The following CNTN4 variants were observed in gnomAD, a reference collection of about 807,000 sequenced individuals.
The protein encoded by CNTN4 is contactin-4.
A neutral mutation model predicts 122.5 loss-of-function variants in CNTN4; 77 were observed. The observed-to-expected ratio is 0.63, with a 90% CI of 0.52 to 0.76. The LOEUF (loss-of-function observed/expected upper bound fraction) is 0.76. Ranked by LOEUF, CNTN4 falls within the 30% of genes least tolerant of loss-of-function variation. CNTN4 has a pLI of 0.00. For missense variants in CNTN4, 1,256 were observed against 1,259.1 expected (o/e 1.00, Z 0.04); for synonymous variants, 512 against 447.0 (o/e 1.15, Z -1.83).
chr3:2,368,298 C>T (rs1268888733), intron 3 of CNTN4, among the ~76,000 whole-genome samples: 1 of 152,076 alleles, frequency 6.6e-6, no homozygotes, highest in East Asian at 1.9e-4. Context: ...TCCCAAAGTG[C>T]TGGGATTACA....
intron 4 of CNTN4, among the ~76,000 whole-genome samples, chr3:2,654,553 G>A (rs184726458): frequency 3.3e-5 from 5 of 152,024 alleles, no homozygotes; most frequent in African/African-American, 4.8e-5. Flanking sequence ...TATTAATTCC[G>A]GGAATGAGTA....
intron 6 of CNTN4, among the ~76,000 whole-genome samples, chr3:2,789,473 C>A (rs2091940617): frequency 6.6e-6 from 1 of 152,204 alleles, no homozygotes; most frequent in Non-Finnish European, 1.5e-5. Context: ...TGCTCTATTG[C>A]CCAGGCTGGA....
chr3:3,027,280 G>T (rs1326993274), intron 15 of CNTN4, among the ~76,000 whole-genome samples: 1 of 152,158 alleles, frequency 6.6e-6, no homozygotes, highest in African/African-American at 2.4e-5. Flanking sequence ...GCCAAGAGTG[G>T]TATCTGATTG....
At position 2,206,892 on chromosome 3, in the gene CNTN4, T is replaced by A. The variant is rs1019513678; in HGVS notation, c.-145+106253T>A. ...GCAGATACTGCTTTTTTTTTTTTTTTTAAAGAATTTTAAGGTTTGTGGCAA... is the reference window on the plus strand; with the variant it reads ...GCAGATACTGCTTTTTTTTTTTTTTATAAAGAATTTTAAGGTTTGTGGCAA... On this transcript the variant is annotated intron_variant, in intron 2 of 24. Coordinates refer to ENST00000418658, the MANE Select transcript of CNTN4 (RefSeq NM_175607.3). Among the ~76,000 whole-genome samples, 4 of 141,662 alleles carry A rather than the reference T, an allele frequency of 2.8e-5. No individual in the cohort carries two copies. In the South Asian group the frequency reaches 6.7e-4, roughly 24 times the overall value. The allele number at this position is 141,662 out of a possible 152,430, so 92.9% of individuals were successfully genotyped here.
At chr3:2,496,019 C>T (rs1330320451) in intron 3 of CNTN4, among the ~76,000 whole-genome samples, 9 of 152,108 alleles carry the variant, frequency 5.9e-5, no homozygotes, top group South Asian at 2.1e-4. Context: ...TATGCACAAG[C>T]GGGCTCAGAA....
At chr3:2,749,328 G>GTTTTTTT (rs11381094) in intron 6 of CNTN4, among the ~76,000 whole-genome samples, 7 of 135,676 alleles carry the variant, frequency 5.2e-5, no homozygotes, top group Non-Finnish European at 3.1e-5. Flanking sequence ...GCCCAGATAA[G>GTTTTTTT]TTTTTTTTTT....
Position 2,773,979 on chromosome 3 carries a change from C to T in CNTN4, c.358+28282C>T, listed in dbSNP as rs186042625. ...TTCACCCTGTTGGCCAGGCTGGTCT[C>T]GAACTTTGGACCTCAAGTGATCCAC... On this transcript the variant is annotated intron_variant, in intron 6 of 24. Transcript: ENST00000418658. Among the ~76,000 whole-genome samples, 6 of 152,108 alleles carry T rather than the reference C, an allele frequency of 3.9e-5. No homozygotes were observed. In the East Asian group the frequency reaches 9.7e-4, roughly 25 times the overall value.
chr3:2,795,259 G>A (rs2728095), intron 6 of CNTN4, among the ~76,000 whole-genome samples: 83,332 of 151,836 alleles, frequency 0.55, 24,143 homozygotes, highest in South Asian at 0.75. Flanking sequence ...ACCAAAATTG[G>A]ACCTGACAGG....
intron 14 of CNTN4, among the ~76,000 whole-genome samples, chr3:3,003,684 CAA>C (rs58290160): frequency 0.015 from 1,177 of 76,672 alleles, 1 homozygote; most frequent in Non-Finnish European, 0.023. Flanking sequence ...ATGGTTGCAC[CAA>C]AAAAAAAAAA....
chr3:2,531,739 A>G (rs2077604599), intron 3 of CNTN4, among the ~76,000 whole-genome samples: 1 of 152,102 alleles, frequency 6.6e-6, no homozygotes, highest in South Asian at 2.1e-4. Flanking sequence ...CCATTTGATG[A>G]GTGGAATTAT....
chr3:2,573,746 TATTG>T (rs1435505538), intron 4 of CNTN4, among the ~76,000 whole-genome samples: 1 of 152,180 alleles, frequency 6.6e-6, no homozygotes, highest in Non-Finnish European at 1.5e-5. Context: ...AGAATCAGTG[TATTG>T]ATTGTTTTTG....
intron 6 of CNTN4, among the ~76,000 whole-genome samples, chr3:2,750,978 A>G (rs533610853): frequency 3.9e-5 from 6 of 152,204 alleles, no homozygotes; most frequent in South Asian, 2.1e-4. Flanking sequence ...AAGTGTTTCT[A>G]TTGGTGTGGC....
At chr3:2,916,337 G>C (rs1559659817) in intron 12 of CNTN4, among the ~76,000 whole-genome samples, 3 of 150,676 alleles carry the variant, frequency 2.0e-5, no homozygotes. Flanking sequence ...TTCCTAGGCA[G>C]AGGGCCCTGC....
At chr3:2,816,822 A>G (rs1349083339) in intron 6 of CNTN4, among the ~76,000 whole-genome samples, 3 of 58,026 alleles carry the variant, frequency 5.2e-5, no homozygotes, top group Non-Finnish European at 1.1e-4. Context: ...TCTGTCTCCA[A>G]AAAAAAAAAA....
At chr3:2,364,817 G>A (rs771852677) in intron 3 of CNTN4, among the ~76,000 whole-genome samples, 4 of 152,130 alleles carry the variant, frequency 2.6e-5, no homozygotes, top group Non-Finnish European at 5.9e-5. Flanking sequence ...ACCTCTCTAT[G>A]GTGAATCTAG....
chr3:2,159,730 C>T (rs1347887074), intron 2 of CNTN4, among the ~76,000 whole-genome samples: 1 of 151,930 alleles, frequency 6.6e-6, no homozygotes, highest in Non-Finnish European at 1.5e-5. Context: ...CAGCCGTTAA[C>T]ACATCTAGTT....
intron 7 of CNTN4, 124 bp downstream of exon 7, chr3:2,819,705 T>C (rs757350981): frequency 2.5e-6 from 2 of 808,806 alleles, no homozygotes; most frequent in Non-Finnish European, 4.2e-6. Context: ...AGCCCCTCCA[T>C]GTGGAGGAAA....
intron 4 of CNTN4, among the ~76,000 whole-genome samples, chr3:2,725,222 G>GA: frequency 6.6e-6 from 1 of 152,228 alleles, no homozygotes; most frequent in East Asian, 1.9e-4. Flanking sequence ...GCCTGATGTG[G>GA]TTGCTGAAAT....
intron 3 of CNTN4, among the ~76,000 whole-genome samples, chr3:2,438,428 A>C (rs1202466279): frequency 6.6e-6 from 1 of 152,198 alleles, no homozygotes; most frequent in Non-Finnish European, 1.5e-5. Context: ...TGGCTGAGGC[A>C]GAAGAATTGC....
Sources: allele counts gnomAD v4.1 joint callset (sites outside exome capture counted in the v4.1 genomes callset), GRCh38; gene constraint gnomAD v4.1.1; transcripts MANE v1.5; gene names NCBI Gene and HGNC (gene_info 2026-07-23, HGNC 2026-07-21).